NFIA: variants seen among roughly 807,000 people sequenced by gnomAD.
The protein encoded by NFIA is nuclear factor 1 A-type.
A neutral mutation model predicts 62.8 loss-of-function variants in NFIA; 8 were observed. The observed-to-expected ratio is 0.13, with a 90% CI of 0.07 to 0.23. NFIA has a LOEUF of 0.23. NFIA is among the 10% of genes least tolerant of loss of function. The pLI is 1.00. For synonymous variants in NFIA, 235 were observed against 238.1 expected (o/e 0.99, Z 0.12); for missense variants, 410 against 642.1 (o/e 0.64, Z 3.91).
chr1:61,392,887 C>T (rs1006847681), intron 7 of NFIA, among the ~76,000 whole-genome samples: 2 of 152,184 alleles, frequency 1.3e-5, no homozygotes, highest in Admixed American at 6.5e-5. Context: ...CCTTGGAATT[C>T]CTTTGCCCCT....
At chr1:61,402,361 C>T (rs1665610540) in intron 7 of NFIA, among the ~76,000 whole-genome samples, 1 of 152,090 alleles carries the variant, frequency 6.6e-6, no homozygotes, top group African/African-American at 2.4e-5. Flanking sequence ...TTTCTAAAAG[C>T]TCCCTGGCTC....
At chr1:61,452,419 T>A (rs560989776) in intron 10 of NFIA, among the ~76,000 whole-genome samples, 1 of 152,146 alleles carries the variant, frequency 6.6e-6, no homozygotes, top group Non-Finnish European at 1.5e-5. Context: ...TCATGAAGAT[T>A]AGTGTGATGT....
chr1:61,338,663 C>T (rs1029704317), intron 4 of NFIA, among the ~76,000 whole-genome samples: 31 of 152,274 alleles, frequency 2.0e-4, no homozygotes, highest in African/African-American at 7.2e-4. Flanking sequence ...GAAAACGAAA[C>T]TCTTGGGTAG....
At position 61,184,752 on chromosome 1, in the gene NFIA, A is replaced by C. The variant is rs201199715; in HGVS notation, c.560-92768A>C. Among the ~76,000 whole-genome samples the C allele has an allele frequency of 9.8e-5, 15 of 152,312 alleles. No individual in the cohort carries two copies. The East Asian group carries it at 2.9e-3, about 29-fold the overall frequency. On this transcript the variant is annotated intron_variant, in intron 2 of 10. Transcript: ENST00000403491. ...GAGGAACTTCATACTGGCCCCTTTT[A>C]AAAAAGCATTGTCACTTTGGGGAGC...
chr1:61,323,246 G>A (rs1432879456), intron 3 of NFIA, among the ~76,000 whole-genome samples: 1 of 152,176 alleles, frequency 6.6e-6, no homozygotes, highest in Non-Finnish European at 1.5e-5. Flanking sequence ...AGCAATCCAT[G>A]TATTCATCTG....
At chr1:61,237,295 C>T (rs1305969976) in intron 2 of NFIA, among the ~76,000 whole-genome samples, 6 of 152,120 alleles carry the variant, frequency 3.9e-5, no homozygotes, top group African/African-American at 1.2e-4. Context: ...TTTTGTATTT[C>T]CATAGGTTAT....
intron 2 of NFIA, among the ~76,000 whole-genome samples, chr1:61,195,331 A>G (rs539216297): frequency 6.6e-6 from 1 of 152,294 alleles, no homozygotes; most frequent in South Asian, 2.1e-4. Context: ...TAGCCATATA[A>G]GAAAATGACA....
chr1:61,421,115 C>T (rs1666599009), intron 9 of NFIA, among the ~76,000 whole-genome samples: 1 of 152,190 alleles, frequency 6.6e-6, no homozygotes, highest in Non-Finnish European at 1.5e-5. Context: ...CGCTCCATCT[C>T]CCCTGTAAGG....
At chr1:61,127,598 C>T (rs1380008445) in intron 2 of NFIA, among the ~76,000 whole-genome samples, 3 of 152,064 alleles carry the variant, frequency 2.0e-5, no homozygotes, top group African/African-American at 7.2e-5. Flanking sequence ...TGTATTTCAG[C>T]CAGAAGATAT....
intron 7 of NFIA, among the ~76,000 whole-genome samples, chr1:61,399,956 G>A (rs1343251472): frequency 1.3e-5 from 2 of 152,078 alleles, no homozygotes; most frequent in African/African-American, 2.4e-5. Context: ...TGCTTTTAAC[G>A]GAAGAAGCAT....
intron 4 of NFIA, among the ~76,000 whole-genome samples, chr1:61,333,813 C>T (rs985662087): frequency 6.6e-6 from 1 of 152,090 alleles, no homozygotes. Context: ...GCCTGGCCAA[C>T]ATGGTGAAAC....
intron 3 of NFIA, among the ~76,000 whole-genome samples, chr1:61,280,794 A>T (rs764101013): frequency 1.3e-5 from 2 of 152,248 alleles, no homozygotes; most frequent in Non-Finnish European, 2.9e-5. Context: ...AAGCCCAGCG[A>T]TAAAATATCA....
chr1:61,082,623 C>T lies in NFIA; in HGVS notation c.-169C>T. 1 of 1,504,822 alleles carries T rather than the reference C, an allele frequency of 6.6e-7. No homozygotes were observed. The highest frequency in any genetic ancestry group is 8.9e-7 in the Non-Finnish European group (1 of 1,121,592). 93.2% of individuals were successfully genotyped at this position (1,504,822 alleles called of 1,614,324 possible). On this transcript the variant is annotated 5_prime_UTR_variant, in exon 1 of 11. Coordinates refer to ENST00000403491, the MANE Select transcript of NFIA (RefSeq NM_001134673.4). ...GGCTGGCTGGCTGCAGTTGAGCCGA[C>T]TTGGAAATGTGAACGCAAGAAGCAG...
At position 61,200,044 on chromosome 1, in the gene NFIA, ATATATATATATATATATATATATG is replaced by A. The variant is rs1369793238; in HGVS notation, c.560-77472_560-77449del. ...TATATATATATATATATATATATAT[ATATATATATATATATATATATATG>A]TATGTATGTTGAGCTAGAATTATGC... On this transcript the variant is annotated intron_variant, in intron 2 of 10. Transcript: ENST00000403491. Among the ~76,000 whole-genome samples, 96 of 50,244 alleles carry A rather than the reference ATATATATATATATATATATATATG, an allele frequency of 1.9e-3. 6 individuals carry two copies. Among genetic ancestry groups the A allele is most frequent in the African/African-American group, 9.7e-3 (79 of 8,158 alleles). 33.0% of individuals were successfully genotyped at this position (50,244 alleles called of 152,430 possible).
intron 2 of NFIA, among the ~76,000 whole-genome samples, chr1:61,126,146 T>C (rs1042658789): frequency 2.0e-5 from 3 of 152,150 alleles, no homozygotes; most frequent in African/African-American, 7.2e-5. Context: ...AATCTGAAAT[T>C]AGAACCTAGG....
intron 9 of NFIA, among the ~76,000 whole-genome samples, chr1:61,415,719 C>T (rs1666318161): frequency 6.6e-6 from 1 of 152,102 alleles, no homozygotes; most frequent in African/African-American, 2.4e-5. Context: ...TCAACCTCTA[C>T]AGAGGACATT....
intron 4 of NFIA, among the ~76,000 whole-genome samples, chr1:61,338,950 A>G (rs1661759212): frequency 6.6e-6 from 1 of 152,212 alleles, no homozygotes; most frequent in African/African-American, 2.4e-5. Context: ...TCTTCTTTCA[A>G]AAGAAACCAT....
intron 2 of NFIA, among the ~76,000 whole-genome samples, chr1:61,257,861 G>GTTTTTTTTTTTTTTTTTTTTTTT (rs58077067): frequency 3.2e-5 from 4 of 126,428 alleles, no homozygotes; most frequent in African/African-American, 5.9e-5. Flanking sequence ...ATGCTTAGCT[G>GTTTTTTTTTTTTTTTTTTTTTTT]TTTTTTTTTT....
chr1:61,091,067 G>T (rs555366586), intron 2 of NFIA, among the ~76,000 whole-genome samples: 1 of 152,216 alleles, frequency 6.6e-6, no homozygotes, highest in African/African-American at 2.4e-5. Flanking sequence ...TTGGCAGGAG[G>T]CAGAGACTCT....
Sources: allele counts gnomAD v4.1 joint callset (sites outside exome capture counted in the v4.1 genomes callset), GRCh38; gene constraint gnomAD v4.1.1; transcripts MANE v1.5; gene names NCBI Gene and HGNC (gene_info 2026-07-23, HGNC 2026-07-21).